PABPC4L: variants seen among roughly 807,000 people sequenced by gnomAD.
PABPC4L encodes polyadenylate-binding protein 4-like.
For missense variants in PABPC4L, 452 were observed against 451.4 expected, an observed-to-expected ratio of 1.00 and a Z score of -0.01; for synonymous variants, 169 against 164.1, an observed-to-expected ratio of 1.03 and a Z score of -0.23.
Position 134,200,429 on chromosome 4 carries a change from A to G in PABPC4L, c.591T>C (p.Phe197=). Residue 197 remains phenylalanine (F), a synonymous_variant, in exon 2 of 2, where the codon TTT becomes TTC. Transcript: ENST00000421491. ...ATCTCTCATCATCCATGTCACCTCC[A>G]AAGTTTTTTATGTAAACATTGGTGA... ...SEFTNVYIKN[F]GGDMDDERLK... 1.3e-6 allele frequency: 2 copies of G among 1,553,012 alleles called. No homozygotes were observed. The highest frequency in any genetic ancestry group is 8.7e-7 in the Non-Finnish European group (1 of 1,147,632).
chr4:134,018,249 T>G, the PABPC4L span, among the ~76,000 whole-genome samples: 2 of 152,028 alleles, frequency 1.3e-5, no homozygotes, highest in Non-Finnish European at 2.9e-5. Context: ...TGCCCAAATC[T>G]TGTAAAACGG....
the PABPC4L span, among the ~76,000 whole-genome samples, chr4:134,020,822 A>G: frequency 6.6e-5 from 10 of 152,284 alleles, no homozygotes; most frequent in African/African-American, 1.7e-4. Context: ...AGGTATAGGT[A>G]TGGGTATATA....
At chr4:134,032,876 C>T in the PABPC4L span, among the ~76,000 whole-genome samples, 508 of 151,840 alleles carry the variant, frequency 3.3e-3, 5 homozygotes, top group African/African-American at 0.012. Context: ...TATGCTGTGA[C>T]CATTACTGTC....
chr4:134,144,418 T>A, the PABPC4L span, among the ~76,000 whole-genome samples: 1 of 151,548 alleles, frequency 6.6e-6, no homozygotes, highest in Non-Finnish European at 1.5e-5. Flanking sequence ...CCAATCCATT[T>A]TACAAACTAC....
the PABPC4L span, among the ~76,000 whole-genome samples, chr4:134,156,911 G>A: frequency 2.0e-5 from 3 of 151,780 alleles, no homozygotes; most frequent in Non-Finnish European, 4.4e-5. Context: ...CAGTGCTGAG[G>A]TACACTCTAA....
At chr4:134,044,044 G>T in the PABPC4L span, among the ~76,000 whole-genome samples, 2 of 150,472 alleles carry the variant, frequency 1.3e-5, no homozygotes, top group Non-Finnish European at 3.0e-5. Context: ...GGGCACGATG[G>T]TGACTCTGGT....
chr4:133,950,662 G>C, the PABPC4L span, among the ~76,000 whole-genome samples: 1 of 152,054 alleles, frequency 6.6e-6, no homozygotes, highest in Non-Finnish European at 1.5e-5. Context: ...TCCCCTGTTT[G>C]GAAAATTGGG....
At chr4:134,108,234 C>T in the PABPC4L span, among the ~76,000 whole-genome samples, 1 of 151,648 alleles carries the variant, frequency 6.6e-6, no homozygotes, top group Non-Finnish European at 1.5e-5. Context: ...TATTATGGCT[C>T]TGATAAAAAT....
At chr4:134,010,606 T>C in the PABPC4L span, 2 of 152,162 alleles carry the variant, frequency 1.3e-5, no homozygotes, top group Non-Finnish European at 1.5e-5. Flanking sequence ...GGATCCAAGC[T>C]ACCTGCAGCT....
the PABPC4L span, among the ~76,000 whole-genome samples, chr4:134,029,727 A>G: frequency 6.6e-6 from 1 of 151,700 alleles, no homozygotes; most frequent in Non-Finnish European, 1.5e-5. Context: ...TTAATTCTGG[A>G]CATTTATATA....
chr4:134,086,756 A>T, the PABPC4L span, among the ~76,000 whole-genome samples: 1 of 126,084 alleles, frequency 7.9e-6, no homozygotes, highest in Non-Finnish European at 1.7e-5. Flanking sequence ...AGGGTATTCT[A>T]TTTATTTCTT....
the PABPC4L span, among the ~76,000 whole-genome samples, chr4:134,012,715 C>T: frequency 1.3e-5 from 2 of 152,174 alleles, no homozygotes; most frequent in African/African-American, 2.4e-5. Flanking sequence ...CCACTTACAA[C>T]CTCAGGTCCT....
chr4:134,191,161 C>CT, the PABPC4L span, among the ~76,000 whole-genome samples: 2 of 152,122 alleles, frequency 1.3e-5, no homozygotes, highest in African/African-American at 4.8e-5. Flanking sequence ...AAATACTCCA[C>CT]TTATACATAA....
chr4:134,159,113 T>C, the PABPC4L span, among the ~76,000 whole-genome samples: 6 of 152,168 alleles, frequency 3.9e-5, no homozygotes, highest in African/African-American at 1.2e-4. Flanking sequence ...GGCAACTCAG[T>C]GAGTGAGTGG....
the PABPC4L span, among the ~76,000 whole-genome samples, chr4:134,099,129 G>T: frequency 6.6e-6 from 1 of 151,600 alleles, no homozygotes; most frequent in Non-Finnish European, 1.5e-5. Flanking sequence ...CTCTTCAAAT[G>T]GGAGTTAATA....
At chr4:134,146,519 C>T in the PABPC4L span, among the ~76,000 whole-genome samples, 1,004 of 152,114 alleles carry the variant, frequency 6.6e-3, 10 homozygotes, top group African/African-American at 0.023. Flanking sequence ...TTACTACCAC[C>T]GCCAGCAGCT....
At chr4:134,057,785 T>C in the PABPC4L span, among the ~76,000 whole-genome samples, 1 of 152,122 alleles carries the variant, frequency 6.6e-6, no homozygotes, top group Non-Finnish European at 1.5e-5. Context: ...TCATTTCTTG[T>C]ATCCTATGTG....
the PABPC4L span, among the ~76,000 whole-genome samples, chr4:134,118,178 G>T: frequency 3.7e-3 from 568 of 151,936 alleles, 2 homozygotes; most frequent in African/African-American, 0.013. Context: ...GTACCCATGA[G>T]AGAGTGACAG....
the PABPC4L span, among the ~76,000 whole-genome samples, chr4:133,994,190 G>C: frequency 6.6e-6 from 1 of 152,106 alleles, no homozygotes; most frequent in Non-Finnish European, 1.5e-5. Context: ...TGACGAAAAT[G>C]GGTGAATTCC....
Sources: allele counts gnomAD v4.1 joint callset (sites outside exome capture counted in the v4.1 genomes callset), GRCh38; gene constraint gnomAD v4.1.1; transcripts MANE v1.5; gene names NCBI Gene and HGNC (gene_info 2026-07-23, HGNC 2026-07-21).